Variants in RFT1 observed in about 807,000 individuals in gnomAD.
RFT1 encodes man(5)GlcNAc(2)-PP-dolichol translocation protein RFT1.
Under a neutral mutation model 62.2 loss-of-function variants are expected in RFT1, and 43 were observed. That is an observed-to-expected ratio of 0.69 (90% CI 0.54 to 0.89). The LOEUF is 0.89. Among genes scored for constraint, RFT1 ranks in the 40% least tolerant of loss-of-function variants. RFT1 has a pLI of 0.00. For missense variants in RFT1, 605 were observed against 649.9 expected, an observed-to-expected ratio of 0.93 and a Z score of 0.75; for synonymous variants, 262 against 264.6, an observed-to-expected ratio of 0.99 and a Z score of 0.10.
intron 11 of RFT1, among the ~76,000 whole-genome samples, chr3:53,098,139 C>T (rs923595943): frequency 1.3e-5 from 2 of 152,204 alleles, no homozygotes; most frequent in Admixed American, 6.5e-5. Flanking sequence ...TGCTCCGTGT[C>T]GTTTTTACTG....
intron 6 of RFT1, among the ~76,000 whole-genome samples, chr3:53,116,851 G>A (rs556035167): frequency 1.3e-5 from 2 of 150,516 alleles, no homozygotes; most frequent in South Asian, 2.1e-4. Flanking sequence ...TGATCTGCCC[G>A]CTCAGCCTCC....
intron 3 of RFT1, among the ~76,000 whole-genome samples, chr3:53,122,790 AGGCACT>A (rs1298175576): frequency 6.6e-6 from 1 of 152,198 alleles, no homozygotes; most frequent in Non-Finnish European, 1.5e-5. Context: ...TGAGGCTGAC[AGGCACT>A]GGGCAATTTG....
the RFT1 span, among the ~76,000 whole-genome samples, chr3:53,075,230 C>T: frequency 6.6e-6 from 1 of 152,208 alleles, no homozygotes; most frequent in African/African-American, 2.4e-5. Flanking sequence ...CTTTCTTCTT[C>T]CCCACTTAGC....
At chr3:53,069,604 C>T in the RFT1 span, among the ~76,000 whole-genome samples, 2 of 152,160 alleles carry the variant, frequency 1.3e-5, no homozygotes, top group African/African-American at 2.4e-5. Context: ...AACTCATAAG[C>T]AATGAGACAA....
At chr3:53,093,941 G>A (rs569433690) in intron 11 of RFT1, among the ~76,000 whole-genome samples, 46 of 152,262 alleles carry the variant, frequency 3.0e-4, no homozygotes, top group Non-Finnish European at 5.6e-4. Context: ...TGGAGCCCAG[G>A]AGTTCAAGGC....
intron 6 of RFT1, among the ~76,000 whole-genome samples, chr3:53,118,067 T>A (rs939178370): frequency 9.9e-5 from 15 of 152,014 alleles, no homozygotes; most frequent in African/African-American, 1.5e-4. Flanking sequence ...TTAAAAAAAT[T>A]TTTTTTTTGT....
chr3:53,095,125 G>A (rs1311557496), intron 11 of RFT1, among the ~76,000 whole-genome samples: 1 of 150,592 alleles, frequency 6.6e-6, no homozygotes, highest in Non-Finnish European at 1.5e-5. Context: ...AATTAGCTGA[G>A]CTTGGTGGTG....
At chr3:53,087,473 G>A (rs115805502), downstream of RFT1, among the ~76,000 whole-genome samples, 721 of 151,848 alleles carry the variant, frequency 4.7e-3, 8 homozygotes, top group African/African-American at 0.017. Flanking sequence ...GGTTCTGGAT[G>A]CTCCCAGCTC....
chr3:53,086,348 C>T (rs1700854001), downstream of RFT1, among the ~76,000 whole-genome samples: 1 of 152,080 alleles, frequency 6.6e-6, no homozygotes, highest in African/African-American at 2.4e-5. Context: ...CAGAGTCTCG[C>T]TCTGTCACCC....
intron 9 of RFT1, among the ~76,000 whole-genome samples, chr3:53,104,386 CTT>C (rs562794641): frequency 4.2e-5 from 6 of 142,812 alleles, no homozygotes; most frequent in Admixed American, 7.0e-5. Context: ...GATATTTGTT[CTT>C]TTTTTTTTTT....
chr3:53,068,539 G>A, the RFT1 span, among the ~76,000 whole-genome samples: 1 of 152,172 alleles, frequency 6.6e-6, no homozygotes. Flanking sequence ...ACAGAACAGA[G>A]GCTTTCAGAA....
At chr3:53,122,854 T>C (rs1183311596) in intron 3 of RFT1, among the ~76,000 whole-genome samples, 1 of 152,168 alleles carries the variant, frequency 6.6e-6, no homozygotes, top group African/African-American at 2.4e-5. Flanking sequence ...GACCCAATCC[T>C]GCAATAACTC....
intron 6 of RFT1, among the ~76,000 whole-genome samples, chr3:53,119,352 G>A (rs1452706328): frequency 6.6e-6 from 1 of 152,174 alleles, no homozygotes; most frequent in Non-Finnish European, 1.5e-5. Flanking sequence ...TGCTCTGCTG[G>A]CATGTGAGCC....
At position 53,105,905 on chromosome 3, in the gene RFT1, T is replaced by A. The variant is rs189635351; in HGVS notation, c.827-102A>T. Reference sequence around the variant, plus strand: ...TAATATTTTCATTAAAGTTTGTTTATCTTGAGATAATTATAGATTCACACA... The same window carrying A: ...TAATATTTTCATTAAAGTTTGTTTAACTTGAGATAATTATAGATTCACACA... On this transcript the variant is annotated intron_variant, in intron 8 of 12. Transcript: ENST00000296292. The A allele has an allele frequency of 4.3e-4, 486 of 1,142,056 alleles. 4 individuals are homozygous for A. The Middle Eastern group carries it at 7.3e-3, about 17-fold the overall frequency. The allele number at this position is 1,142,056 out of a possible 1,614,324, so 70.7% of individuals were successfully genotyped here. A position where few individuals can be genotyped will look rare whatever the true frequency, so the allele number is the denominator to read the frequency against.
the RFT1 span, among the ~76,000 whole-genome samples, chr3:53,081,137 G>T: frequency 1.3e-5 from 2 of 152,192 alleles, no homozygotes; most frequent in Non-Finnish European, 2.9e-5. Flanking sequence ...GGGCTCCTGA[G>T]GACATCATAA....
chr3:53,091,029 C>T lies in RFT1; in HGVS notation c.*874G>A, dbSNP rs1700973300. On this transcript the variant is annotated 3_prime_UTR_variant, in exon 13 of 13. Transcript: ENST00000296292. ...TTATTCTGAGGATAAAAAAGTACAT[C>T]TGTTAAACCTTATCTGTCACCAGTG... The T allele has an allele frequency of 6.6e-6, 1 of 152,386 alleles. No homozygotes were observed. Among genetic ancestry groups the T allele is most frequent in the South Asian group, 2.1e-4 (1 of 4,830 alleles). The allele number at this position is 152,386 out of a possible 1,614,324, so 9.4% of individuals were successfully genotyped here.
At chr3:53,121,593 AC>A in intron 5 of RFT1, 105 bp downstream of exon 5, 1 of 890,136 alleles carries the variant, frequency 1.1e-6, no homozygotes. Flanking sequence ...CACCTCCTGC[AC>A]AGGCATGGGT....
At chr3:53,095,988 C>T (rs1224441754) in intron 11 of RFT1, among the ~76,000 whole-genome samples, 1 of 152,192 alleles carries the variant, frequency 6.6e-6, no homozygotes, top group Non-Finnish European at 1.5e-5. Context: ...CTTTACACAA[C>T]TGATCTGCCT....
At chr3:53,120,978 G>GA (rs1701953263) in intron 5 of RFT1, among the ~76,000 whole-genome samples, 1 of 152,210 alleles carries the variant, frequency 6.6e-6, no homozygotes, top group Non-Finnish European at 1.5e-5. Context: ...TCCTCTGTGA[G>GA]AAGTACCCTT....
Sources: allele counts gnomAD v4.1 joint callset (sites outside exome capture counted in the v4.1 genomes callset), GRCh38; gene constraint gnomAD v4.1.1; transcripts MANE v1.5; gene names NCBI Gene and HGNC (gene_info 2026-07-23, HGNC 2026-07-21).